The following PIGL variants were observed in gnomAD, a reference collection of about 807,000 sequenced individuals.
The protein encoded by PIGL is phosphatidylinositol glycan anchor biosynthesis class L, also known as N-acetylglucosaminyl-phosphatidylinositol de-N-acetylase.
Under a neutral mutation model 31.1 loss-of-function variants are expected in PIGL, and 22 were observed. The observed-to-expected ratio is 0.71, with a 90% confidence interval of 0.51 to 1.01. The LOEUF (loss-of-function observed/expected upper bound fraction) is 1.01, where lower values mean the gene tolerates loss of function less well. Among genes scored for constraint, PIGL ranks in the 50% least tolerant of loss-of-function variants. PIGL has a pLI of 0.00. For synonymous variants in PIGL, 131 were observed against 117.4 expected (o/e 1.12, Z -0.75); for missense variants, 302 against 315.9 (o/e 0.96, Z 0.33).
At position 16,286,069 on chromosome 17, in the gene PIGL, G is replaced by A. The variant is rs372899463; in HGVS notation, c.336-13819G>A. On this transcript the variant is annotated intron_variant, in intron 2 of 6. Coordinates refer to ENST00000225609, the MANE Select transcript of PIGL (RefSeq NM_004278.4). ...TTAGCTCTGAACTCTACTGACCTTT[G>A]CTCGCTTTGGATGACAAAGGAAATG... 8.5e-5 allele frequency among the ~76,000 whole-genome samples: 13 copies of A among 152,352 alleles called. No individual in the cohort carries two copies. The East Asian group carries it at 2.1e-3, about 25-fold the overall frequency.
intron 2 of PIGL, among the ~76,000 whole-genome samples, chr17:16,244,125 T>A (rs959263077): frequency 1.3e-5 from 2 of 152,160 alleles, no homozygotes; most frequent in South Asian, 2.1e-4. Context: ...AGCACTGATC[T>A]TAGCAGTTTA....
At chr17:16,300,837 C>T (rs757987111) in intron 3 of PIGL, among the ~76,000 whole-genome samples, 2 of 151,938 alleles carry the variant, frequency 1.3e-5, no homozygotes, top group Admixed American at 6.6e-5. Flanking sequence ...GCATTCATAC[C>T]CACTAAGGAA....
intron 2 of PIGL, among the ~76,000 whole-genome samples, chr17:16,259,713 C>A (rs1370264003): frequency 6.6e-6 from 1 of 152,144 alleles, no homozygotes; most frequent in Non-Finnish European, 1.5e-5. Context: ...TGGCTACTGC[C>A]ATGACACCAG....
chr17:16,221,854 C>T (rs973786236), intron 1 of PIGL, among the ~76,000 whole-genome samples: 7 of 152,032 alleles, frequency 4.6e-5, no homozygotes, highest in Admixed American at 1.3e-4. Context: ...CTCCTGACCT[C>T]GTGATTCGCC....
chr17:16,217,341 G>A lies in PIGL; in HGVS notation c.115G>A (p.Ala39Thr). The change falls in exon 1 of 7, where the codon GCC becomes ACC. Residue 39 changes from alanine to threonine, a missense_variant. Coordinates refer to ENST00000225609, the MANE Select transcript of PIGL (RefSeq NM_004278.4). ...KSREQGGRLGAESRTLLVIAH... is the reference protein window; with the variant it reads ...KSREQGGRLGTESRTLLVIAH... Reference sequence around the variant, plus strand: ...TCGGGAGCAGGGAGGACGGCTGGGAGCCGAAAGCCGGACCCTGCTGGTCAT... The same window carrying A: ...TCGGGAGCAGGGAGGACGGCTGGGAACCGAAAGCCGGACCCTGCTGGTCAT... 1 of 1,614,216 alleles carries A rather than the reference G, an allele frequency of 6.2e-7. No individual in the cohort carries two copies. The highest frequency in any genetic ancestry group is 1.7e-5 in the Admixed American group (1 of 60,024).
At chr17:16,303,269 G>A (rs892508212) in intron 3 of PIGL, among the ~76,000 whole-genome samples, 3 of 152,164 alleles carry the variant, frequency 2.0e-5, no homozygotes, top group East Asian at 1.9e-4. Flanking sequence ...TGCAGACCAC[G>A]TCTTGCAAAC....
At chr17:16,317,653 G>A in intron 5 of PIGL, 122 bp from the exon 6 acceptor site, 3 of 1,522,732 alleles carry the variant, frequency 2.0e-6, no homozygotes, top group Admixed American at 3.9e-5. Flanking sequence ...AGAAACACGT[G>A]GCAATGCTGT....
intron 3 of PIGL, among the ~76,000 whole-genome samples, chr17:16,310,077 CAA>C (rs58352380): frequency 6.8e-5 from 6 of 88,754 alleles, no homozygotes; most frequent in East Asian, 2.8e-4. Context: ...GACTCCATCT[CAA>C]AAAAAAAAAA....
At chr17:16,219,088 A>G (rs770893701) in intron 1 of PIGL, among the ~76,000 whole-genome samples, 54 of 128,712 alleles carry the variant, frequency 4.2e-4, no homozygotes, top group Admixed American at 2.3e-3. Flanking sequence ...TTTTTTTGAG[A>G]CGGAGTCTTG....
intron 3 of PIGL, among the ~76,000 whole-genome samples, chr17:16,306,522 C>CTTTTTTTT (rs34479966): frequency 6.2e-5 from 7 of 113,672 alleles, no homozygotes; most frequent in Non-Finnish European, 5.2e-5. Flanking sequence ...GTTATACGAT[C>CTTTTTTTT]TTTTTTTTTT....
chr17:16,285,445 C>T (rs1196357486), intron 2 of PIGL, among the ~76,000 whole-genome samples: 2 of 152,120 alleles, frequency 1.3e-5, no homozygotes, highest in East Asian at 1.9e-4. Context: ...ATTAGCCAGG[C>T]GCGGTGGCAG....
intron 1 of PIGL, among the ~76,000 whole-genome samples, chr17:16,221,913 C>T (rs2092631342): frequency 6.6e-6 from 1 of 152,120 alleles, no homozygotes; most frequent in African/African-American, 2.4e-5. Flanking sequence ...GCCACCACGC[C>T]TGGCCAATTT....
intron 2 of PIGL, among the ~76,000 whole-genome samples, chr17:16,265,401 C>T (rs1568808156): frequency 6.6e-6 from 1 of 152,084 alleles, no homozygotes; most frequent in Non-Finnish European, 1.5e-5. Context: ...GTGCTCAAGA[C>T]TGCCCATGGT....
At position 16,231,043 on chromosome 17, in the gene PIGL, G is replaced by GT. The variant is rs1034944087; in HGVS notation, c.236-2918dup. Among the ~76,000 whole-genome samples the GT allele has an allele frequency of 1.5e-3, 188 of 124,864 alleles. 3 individuals are homozygous for GT. Among genetic ancestry groups the GT allele is most frequent in the East Asian group, 0.014 (65 of 4,588 alleles). The allele number at this position is 124,864 out of a possible 152,430, so 81.9% of individuals were successfully genotyped here. ...GAGAGGAGCTTTTTTCCTTTATATG[G>GT]TTTTTTTTTTGGTTTTGGTTTTTCT... On this transcript the variant is annotated intron_variant, in intron 1 of 6. Coordinates refer to ENST00000225609, the MANE Select transcript of PIGL (RefSeq NM_004278.4).
chr17:16,317,041 T>G, intron 5 of PIGL: 1 of 1,124,094 alleles, frequency 8.9e-7, no homozygotes, highest in Non-Finnish European at 1.1e-6. Context: ...AGGCAGGTTG[T>G]AAATGACTGC....
intron 3 of PIGL, among the ~76,000 whole-genome samples, chr17:16,303,905 G>A (rs1398898821): frequency 3.3e-5 from 5 of 151,952 alleles, no homozygotes; most frequent in African/African-American, 9.7e-5. Context: ...TAGTAGAGAC[G>A]GGGTTTCGCC....
At chr17:16,299,156 C>T (rs1029886950) in intron 2 of PIGL, among the ~76,000 whole-genome samples, 2 of 151,764 alleles carry the variant, frequency 1.3e-5, no homozygotes, top group African/African-American at 4.8e-5. Flanking sequence ...TGCGGTGAGC[C>T]GAGATTGTGC....
At position 16,326,248 on chromosome 17, in the gene PIGL, A is replaced by G. The variant is rs918445586; in HGVS notation, c.*350A>G. 1 of 222,114 alleles carries G rather than the reference A, an allele frequency of 4.5e-6. No homozygotes were observed. The highest frequency in any genetic ancestry group is 5.3e-5 in the Admixed American group (1 of 18,768). The allele number at this position is 222,114 out of a possible 1,614,324, so 13.8% of individuals were successfully genotyped here. A position where few individuals can be genotyped will look rare whatever the true frequency, so the allele number is the denominator to read the frequency against. ...TCATAAATGAACATAAAAGTGCTCT[A>G]AAAACACTCCACAGATGTGACTTTT... is the stretch of plus-strand genomic sequence containing the variant. On this transcript the variant is annotated 3_prime_UTR_variant, in exon 7 of 7. Coordinates refer to ENST00000225609, the MANE Select transcript of PIGL (RefSeq NM_004278.4).
intron 3 of PIGL, among the ~76,000 whole-genome samples, chr17:16,306,250 C>T (rs981776203): frequency 2.6e-5 from 4 of 151,860 alleles, no homozygotes; most frequent in African/African-American, 4.8e-5. Flanking sequence ...CGCCCAGCCT[C>T]GCTGTACAGT....
Sources: allele counts gnomAD v4.1 joint callset (sites outside exome capture counted in the v4.1 genomes callset), GRCh38; gene constraint gnomAD v4.1.1; transcripts MANE v1.5; gene names NCBI Gene and HGNC (gene_info 2026-07-23, HGNC 2026-07-21).